The following RALYL variants were observed in gnomAD, a reference collection of about 807,000 sequenced individuals.
RALYL encodes RNA-binding Raly-like protein.
RALYL carries 29 observed loss-of-function variants against 35.1 expected under a neutral mutation model. The observed-to-expected ratio is 0.83, with a 90% CI of 0.61 to 1.13. The LOEUF is 1.13. Among genes scored for constraint, RALYL ranks in the 50% most tolerant of loss-of-function variants. The probability of loss-of-function intolerance (pLI) is 0.00; values close to 1 mark genes in which losing one functional copy is unlikely to be tolerated. For synonymous variants in RALYL, 120 were observed against 127.6 expected, an observed-to-expected ratio of 0.94 and a Z score of 0.40; for missense variants, 359 against 360.4, an observed-to-expected ratio of 1.00 and a Z score of 0.03.
intron 1 of RALYL, among the ~76,000 whole-genome samples, chr8:84,375,117 T>C (rs777871056): frequency 2.6e-5 from 4 of 151,938 alleles, no homozygotes; most frequent in Admixed American, 1.3e-4. Context: ...TAATGTGTAA[T>C]AATCACAGCA....
chr8:84,200,987 A>T lies in RALYL; in HGVS notation c.-24+16563A>T, dbSNP rs185517032. The stretch of plus-strand genomic sequence containing the variant: ...TCATTTTTTTATCCTTCTGTGTGTC[A>T]CAAGGCATTATATAATGTATAAGAA... On this transcript the variant is annotated intron_variant, in intron 1 of 8. Coordinates refer to ENST00000521268, the MANE Select transcript of RALYL (RefSeq NM_173848.7). Among the ~76,000 whole-genome samples the T allele has an allele frequency of 6.3e-3, 956 of 152,266 alleles. 6 individuals carry two copies. Among genetic ancestry groups the T allele is most frequent in the Non-Finnish European group, 8.2e-3 (557 of 67,998 alleles).
chr8:84,777,389 C>T (rs1479340101), intron 3 of RALYL, among the ~76,000 whole-genome samples: 1 of 150,208 alleles, frequency 6.7e-6, no homozygotes, highest in East Asian at 1.9e-4. Flanking sequence ...AGAGGAAATA[C>T]TATACAATAA....
chr8:84,497,183 A>G (rs547698097), intron 1 of RALYL, among the ~76,000 whole-genome samples: 1 of 152,284 alleles, frequency 6.6e-6, no homozygotes, highest in Non-Finnish European at 1.5e-5. Flanking sequence ...GCACTACAGA[A>G]TCATACAGAA....
intron 1 of RALYL, among the ~76,000 whole-genome samples, chr8:84,281,803 A>G (rs763509548): frequency 1.9e-4 from 29 of 151,862 alleles, no homozygotes; most frequent in African/African-American, 4.4e-4. Context: ...GTGTGTGTGT[A>G]TATATATATT....
chr8:84,572,106 G>A (rs1173565733), intron 2 of RALYL, among the ~76,000 whole-genome samples: 2 of 151,900 alleles, frequency 1.3e-5, no homozygotes, highest in Non-Finnish European at 2.9e-5. Flanking sequence ...TGTCCATTGG[G>A]TCCACTTGGT....
intron 2 of RALYL, among the ~76,000 whole-genome samples, chr8:84,620,843 G>A (rs1004861288): frequency 4.6e-5 from 7 of 152,254 alleles, no homozygotes; most frequent in Admixed American, 1.3e-4. Context: ...GTCTGCTGGA[G>A]TACCCTGCCG....
intron 4 of RALYL, among the ~76,000 whole-genome samples, chr8:84,811,846 C>G (rs1825978859): frequency 6.6e-6 from 1 of 152,032 alleles, no homozygotes; most frequent in South Asian, 2.1e-4. Flanking sequence ...TCTGTGTGTC[C>G]AGTGTTTCCT....
intron 1 of RALYL, among the ~76,000 whole-genome samples, chr8:84,502,921 A>G (rs2056831081): frequency 6.6e-6 from 1 of 151,986 alleles, no homozygotes; most frequent in South Asian, 2.1e-4. Context: ...TTTAAAAAAA[A>G]AAAAGGAAAA....
intron 1 of RALYL, among the ~76,000 whole-genome samples, chr8:84,228,902 C>G (rs1824644050): frequency 6.6e-6 from 1 of 152,084 alleles, no homozygotes; most frequent in Non-Finnish European, 1.5e-5. Flanking sequence ...GAAACTGTCC[C>G]CATGATACAA....
At chr8:84,641,021 C>T (rs995234579) in intron 2 of RALYL, among the ~76,000 whole-genome samples, 1 of 151,670 alleles carries the variant, frequency 6.6e-6, no homozygotes, top group Non-Finnish European at 1.5e-5. Flanking sequence ...CTTGGACTTT[C>T]TGACTTGTAT....
chr8:84,229,027 A>G (rs1284743240), intron 1 of RALYL, among the ~76,000 whole-genome samples: 1 of 152,210 alleles, frequency 6.6e-6, no homozygotes, highest in Non-Finnish European at 1.5e-5. Flanking sequence ...GATGCATGTA[A>G]GCACTTCTGC....
intron 1 of RALYL, among the ~76,000 whole-genome samples, chr8:84,381,517 A>C (rs2131607133): frequency 6.6e-6 from 1 of 151,610 alleles, no homozygotes; most frequent in African/African-American, 2.4e-5. Context: ...CTTTTTTTCT[A>C]CCATTTTCAT....
At chr8:84,266,878 T>A (rs1833419979) in intron 1 of RALYL, among the ~76,000 whole-genome samples, 1 of 145,898 alleles carries the variant, frequency 6.9e-6, no homozygotes, top group South Asian at 2.1e-4. Context: ...GAGAATGGCG[T>A]GAACCCGGGA....
At chr8:84,467,121 GT>G (rs1489141062) in intron 1 of RALYL, among the ~76,000 whole-genome samples, 1 of 151,996 alleles carries the variant, frequency 6.6e-6, no homozygotes, top group Non-Finnish European at 1.5e-5. Flanking sequence ...TTTTTGAAGG[GT>G]TTTTTGTGTC....
intron 2 of RALYL, among the ~76,000 whole-genome samples, chr8:84,586,152 GC>G (rs1487993368): frequency 6.6e-6 from 1 of 150,764 alleles, no homozygotes; most frequent in East Asian, 2.0e-4. Context: ...CCAAGATCAT[GC>G]CACTGCACTC....
chr8:84,461,098 A>G (rs1209363342), intron 1 of RALYL, among the ~76,000 whole-genome samples: 1 of 151,652 alleles, frequency 6.6e-6, no homozygotes, highest in Non-Finnish European at 1.5e-5. Context: ...TTGGCCCAAT[A>G]TGCTATGAAT....
intron 1 of RALYL, among the ~76,000 whole-genome samples, chr8:84,484,498 A>T (rs2054393867): frequency 6.6e-6 from 1 of 152,082 alleles, no homozygotes; most frequent in Admixed American, 6.6e-5. Flanking sequence ...CGTAAGCAAA[A>T]GCAGGAAGGT....
At chr8:84,687,123 T>C (rs1836966466) in intron 2 of RALYL, among the ~76,000 whole-genome samples, 1 of 152,182 alleles carries the variant, frequency 6.6e-6, no homozygotes. Flanking sequence ...TAATGTTAAT[T>C]AGAATTTTTA....
At chr8:84,701,405 A>C (rs1840166246) in intron 2 of RALYL, among the ~76,000 whole-genome samples, 1 of 152,118 alleles carries the variant, frequency 6.6e-6, no homozygotes, top group Non-Finnish European at 1.5e-5. Flanking sequence ...TTTAATATTT[A>C]ATTATTCTAG....
Sources: gnomAD v4.1 joint callset for allele counts (sites outside exome capture counted in the v4.1 genomes callset) on GRCh38, gnomAD v4.1.1 for gene constraint, MANE v1.5 for transcripts, NCBI Gene and HGNC (gene_info 2026-07-23, HGNC 2026-07-21) for gene names.